STT3B: variants seen among roughly 807,000 people sequenced by gnomAD.
STT3B encodes the protein STT3 oligosaccharyltransferase complex catalytic subunit B, also known as dolichyl-diphosphooligosaccharide--protein glycosyltransferase subunit STT3B.
Under a neutral mutation model 96.8 loss-of-function variants are expected in STT3B, and 29 were observed. The observed-to-expected ratio is 0.30, with a 90% CI of 0.22 to 0.41. The LOEUF (loss-of-function observed/expected upper bound fraction) is 0.41. Among genes scored for constraint, STT3B ranks in the 10% least tolerant of loss-of-function variants. The pLI is 1.00. For missense variants in STT3B, 640 were observed against 1,022.3 expected (o/e 0.63, Z 5.10); for synonymous variants, 367 against 360.0 (o/e 1.02, Z -0.22).
At position 31,615,212 on chromosome 3, in the gene STT3B, A is replaced by T. The variant is rs1699280340; in HGVS notation, c.976+9A>T. Reference sequence around the variant, plus strand: ...ACACATGGCAGCTGCAGGTATGAAAAATATATATTTTCCTTCTTCTAAAGA... The same window carrying T: ...ACACATGGCAGCTGCAGGTATGAAATATATATATTTTCCTTCTTCTAAAGA... On this transcript the variant is annotated intron_variant, in intron 6 of 15. Transcript: ENST00000295770. 1.9e-6 allele frequency: 3 copies of T among 1,587,586 alleles called. No homozygotes were observed. The highest frequency in any genetic ancestry group is 2.6e-6 in the Non-Finnish European group (3 of 1,160,486).
At chr3:31,556,964 A>G (rs948935762) in intron 1 of STT3B, among the ~76,000 whole-genome samples, 1 of 152,082 alleles carries the variant, frequency 6.6e-6, no homozygotes, top group Non-Finnish European at 1.5e-5. Flanking sequence ...CTTTGCCTTG[A>G]CCATTATCCT....
intron 5 of STT3B, among the ~76,000 whole-genome samples, chr3:31,612,215 G>T (rs530689855): frequency 6.6e-6 from 1 of 152,188 alleles, no homozygotes; most frequent in South Asian, 2.1e-4. Context: ...TTTAGATAAG[G>T]GATATTCAAA....
At chr3:31,589,209 G>A (rs1559377047) in intron 3 of STT3B, among the ~76,000 whole-genome samples, 2 of 151,982 alleles carry the variant, frequency 1.3e-5, no homozygotes, top group South Asian at 2.1e-4. Context: ...CGTACTGGGT[G>A]CTAAATGGTA....
intron 4 of STT3B, among the ~76,000 whole-genome samples, chr3:31,598,748 A>G (rs1211904351): frequency 6.6e-6 from 1 of 152,148 alleles, no homozygotes; most frequent in East Asian, 1.9e-4. Flanking sequence ...TTAATGTAGT[A>G]GATACCTAGA....
intron 9 of STT3B, chr3:31,620,104 GTC>G: frequency 1.9e-6 from 1 of 514,724 alleles, no homozygotes; most frequent in Non-Finnish European, 3.0e-6. Flanking sequence ...GTGAAACCTT[GTC>G]TCTACTAAAA....
chr3:31,613,630 A>G (rs1699234561), intron 5 of STT3B, among the ~76,000 whole-genome samples: 1 of 149,592 alleles, frequency 6.7e-6, no homozygotes, highest in East Asian at 2.0e-4. Flanking sequence ...TCTTCTTCTC[A>G]GTTTTTAATT....
At chr3:31,634,453 T>A (rs1398163655) in intron 15 of STT3B, among the ~76,000 whole-genome samples, 2 of 152,192 alleles carry the variant, frequency 1.3e-5, no homozygotes, top group Admixed American at 6.5e-5. Flanking sequence ...TAAAACATAA[T>A]CTGTCTTGTG....
At chr3:31,536,353 C>T (rs1348619630) in intron 1 of STT3B, among the ~76,000 whole-genome samples, 3 of 152,192 alleles carry the variant, frequency 2.0e-5, no homozygotes, top group Non-Finnish European at 4.4e-5. Context: ...AGCAATGGCA[C>T]AGACCTTTAA....
At chr3:31,608,931 A>C (rs1033532584) in intron 5 of STT3B, among the ~76,000 whole-genome samples, 1 of 152,186 alleles carries the variant, frequency 6.6e-6, no homozygotes, top group African/African-American at 2.4e-5. Context: ...CCTGGCCAAC[A>C]TGGTGAAACC....
intron 13 of STT3B, among the ~76,000 whole-genome samples, chr3:31,626,374 C>A (rs543022682): frequency 6.6e-6 from 1 of 152,168 alleles, no homozygotes; most frequent in Non-Finnish European, 1.5e-5. Context: ...CTTACTTTTA[C>A]GTCTCTTCAC....
At chr3:31,610,927 G>A (rs1699166758) in intron 5 of STT3B, among the ~76,000 whole-genome samples, 1 of 152,186 alleles carries the variant, frequency 6.6e-6, no homozygotes, top group Non-Finnish European at 1.5e-5. Flanking sequence ...TTTTCATGAT[G>A]TAATAAATGA....
At chr3:31,571,959 T>A (rs1698151514) in intron 1 of STT3B, among the ~76,000 whole-genome samples, 1 of 131,746 alleles carries the variant, frequency 7.6e-6, no homozygotes, top group African/African-American at 3.2e-5. Context: ...TAAATATATA[T>A]TAAAATATTA....
At chr3:31,622,676 T>C (rs1699454218) in intron 10 of STT3B, among the ~76,000 whole-genome samples, 1 of 152,198 alleles carries the variant, frequency 6.6e-6, no homozygotes, top group African/African-American at 2.4e-5. Flanking sequence ...GACAGGTGCT[T>C]ATCCTTGAGG....
chr3:31,574,868 C>A (rs1258900524), intron 1 of STT3B, among the ~76,000 whole-genome samples: 1 of 151,810 alleles, frequency 6.6e-6, no homozygotes, highest in African/African-American at 2.4e-5. Flanking sequence ...GTATGCTCTG[C>A]GGAAAAAAAA....
chr3:31,542,178 T>C (rs747065326), intron 1 of STT3B, among the ~76,000 whole-genome samples: 8 of 152,090 alleles, frequency 5.3e-5, no homozygotes, highest in Non-Finnish European at 1.0e-4. Context: ...CAAATGATAA[T>C]CAGATAAATG....
chr3:31,618,431 A>C (rs1349841654), intron 8 of STT3B, among the ~76,000 whole-genome samples: 2 of 152,002 alleles, frequency 1.3e-5, no homozygotes, highest in Middle Eastern at 6.8e-3. Context: ...TCTGTGAAAC[A>C]CAAGAGAATA....
Position 31,548,211 on chromosome 3 carries a change from A to G in STT3B, c.314+14899A>G, listed in dbSNP as rs541050686. The stretch of plus-strand genomic sequence containing the variant: ...CCTAAGAAGTAAACTAAAGTATAAC[A>G]TATTTGCTATAATAATGCTGATATA... On this transcript the variant is annotated intron_variant, in intron 1 of 15. Coordinates refer to ENST00000295770, the MANE Select transcript of STT3B (RefSeq NM_178862.3). Among the ~76,000 whole-genome samples the G allele has an allele frequency of 9.2e-5, 14 of 152,332 alleles. No homozygotes were observed. The South Asian group carries it at 1.7e-3, about 18-fold the overall frequency.
intron 3 of STT3B, among the ~76,000 whole-genome samples, chr3:31,583,480 T>G (rs1231762613): frequency 6.6e-6 from 1 of 152,118 alleles, no homozygotes; most frequent in Non-Finnish European, 1.5e-5. Flanking sequence ...TTTTTTTGTT[T>G]CATTTTGTTT....
At chr3:31,623,971 T>A (rs1056584761) in intron 11 of STT3B, 110 bp downstream of exon 11, 63 of 949,634 alleles carry the variant, frequency 6.6e-5, no homozygotes, top group Admixed American at 5.9e-4. Context: ...CTGCATTTGC[T>A]TGTTTTTAAT....
Sources: allele counts gnomAD v4.1 joint callset (sites outside exome capture counted in the v4.1 genomes callset), GRCh38; gene constraint gnomAD v4.1.1; transcripts MANE v1.5; gene names NCBI Gene and HGNC (gene_info 2026-07-23, HGNC 2026-07-21).